ORC3: variants seen among roughly 807,000 people sequenced by gnomAD.
ORC3 encodes origin recognition complex subunit 3.
In ORC3, 78 loss-of-function variants were observed where a neutral mutation model predicts 100.7. The observed-to-expected ratio is 0.77, with a 90% CI of 0.65 to 0.94. The LOEUF (loss-of-function observed/expected upper bound fraction) is 0.94, where lower values mean the gene tolerates loss of function less well. Ranked by LOEUF, ORC3 falls within the 40% of genes least tolerant of loss-of-function variation. The probability of loss-of-function intolerance (pLI) is 0.00; values close to 1 mark genes in which losing one functional copy is unlikely to be tolerated. For synonymous variants in ORC3, 295 were observed against 289.3 expected, an observed-to-expected ratio of 1.02 and a Z score of -0.20; for missense variants, 789 against 823.9, an observed-to-expected ratio of 0.96 and a Z score of 0.52.
intron 13 of ORC3, among the ~76,000 whole-genome samples, chr6:87,646,758 A>T (rs1768824821): frequency 6.6e-6 from 1 of 152,140 alleles, no homozygotes; most frequent in Non-Finnish European, 1.5e-5. Context: ...ACATCTTAAC[A>T]TTACAGTGCC....
In ORC3 at chr6:87,642,313, G is replaced by C. The variant is rs532404140; in HGVS notation, c.1382+5827G>C. On this transcript the variant is annotated intron_variant, in intron 13 of 19. Transcript: ENST00000392844. ...TCTCAAAAAAATTAATAAATAGGCC[G>C]AGCATAGTGGCTGACGCCTGTAATT... is the stretch of plus-strand genomic sequence containing the variant. Among the ~76,000 whole-genome samples, 2 of 151,940 alleles carry C rather than the reference G, an allele frequency of 1.3e-5. 1 individual carries two copies. Among genetic ancestry groups the C allele is most frequent in the South Asian group, 4.1e-4 (2 of 4,832 alleles).
rs921699236 is a variant in ORC3 at position 87,639,190 on chromosome 6, A to G, written c.1382+2704A>G. 2.6e-5 allele frequency among the ~76,000 whole-genome samples: 4 copies of G among 152,302 alleles called. No individual in the cohort carries two copies. In the South Asian group the frequency reaches 6.2e-4, roughly 24 times the overall value. Reference sequence around the variant, plus strand: ...AAAATGCAGAACACTTCTGGTCCCAAGCATTTCAGATAAGGGATACTCAAT... The same window carrying G: ...AAAATGCAGAACACTTCTGGTCCCAGGCATTTCAGATAAGGGATACTCAAT... On this transcript the variant is annotated intron_variant, in intron 13 of 19. Coordinates refer to ENST00000392844, the MANE Select transcript of ORC3 (RefSeq NM_012381.4).
chr6:87,645,053 A>C (rs1422045530), intron 13 of ORC3, among the ~76,000 whole-genome samples: 1 of 152,164 alleles, frequency 6.6e-6, no homozygotes, highest in Admixed American at 6.5e-5. Flanking sequence ...TTCTTCACTA[A>C]GGCATTAGGT....
At position 87,636,669 on chromosome 6, in the gene ORC3, C is replaced by T. The variant is rs1033259215; in HGVS notation, c.1382+183C>T. Reference sequence around the variant, plus strand: ...TGATGTTTTTAATATAGCAACTATCCGTTTCTTTGCTGGTTTAACCTTGCA... The same window carrying T: ...TGATGTTTTTAATATAGCAACTATCTGTTTCTTTGCTGGTTTAACCTTGCA... On this transcript the variant is annotated intron_variant, in intron 13 of 19. Transcript: ENST00000392844. Among the ~76,000 whole-genome samples, 99 of 152,232 alleles carry T rather than the reference C, an allele frequency of 6.5e-4. 1 individual carries two copies. Among genetic ancestry groups the T allele is most frequent in the African/African-American group, 2.4e-3 (98 of 41,530 alleles).
In ORC3 at chr6:87,610,934, CT is replaced by C. The variant is rs67349945; in HGVS notation, c.714-1135del. On this transcript the variant is annotated intron_variant, in intron 7 of 19. Transcript: ENST00000392844. ...AAGAGTTCTATATATTAGGACTTTT[CT>C]TTTTTTTTTTTTTTTTTTTGAGACA... 1.2e-3 allele frequency among the ~76,000 whole-genome samples: 133 copies of C among 106,806 alleles called. 1 individual carries two copies. The highest frequency in any genetic ancestry group is 6.7e-3 in the Middle Eastern group (1 of 150). 70.1% of individuals were successfully genotyped at this position (106,806 alleles called of 152,430 possible).
Position 87,653,102 on chromosome 6 carries a change from T to C in ORC3, c.1383-14T>C. ...CTAGTTATATTACATTTCCTGTCAC[T>C]GACTCTGTTCTAGGATGTTGGCAAA... On this transcript the variant is annotated splice_polypyrimidine_tract_variant and intron_variant, in intron 13 of 19. Coordinates refer to ENST00000392844, the MANE Select transcript of ORC3 (RefSeq NM_012381.4). 1 of 1,574,612 alleles carries C rather than the reference T, an allele frequency of 6.4e-7. No individual in the cohort carries two copies. Among genetic ancestry groups the C allele is most frequent in the Non-Finnish European group, 8.6e-7 (1 of 1,157,244 alleles).
rs192576885 is a variant in ORC3 at position 87,637,565 on chromosome 6, T to C, written c.1382+1079T>C. Among the ~76,000 whole-genome samples the C allele has an allele frequency of 6.5e-4, 99 of 152,350 alleles. 1 individual carries two copies. Among genetic ancestry groups the C allele is most frequent in the African/African-American group, 2.4e-3 (98 of 41,584 alleles). On this transcript the variant is annotated intron_variant, in intron 13 of 19. Coordinates refer to ENST00000392844, the MANE Select transcript of ORC3 (RefSeq NM_012381.4). ...TCAACTATAGTATTTCTGAGACTTATTTTGCTTTCTAAATATACCTATCTT... is the reference window on the plus strand; with the variant it reads ...TCAACTATAGTATTTCTGAGACTTACTTTGCTTTCTAAATATACCTATCTT...
chr6:87,604,577 A>C (rs988831950), intron 4 of ORC3, among the ~76,000 whole-genome samples: 1 of 152,246 alleles, frequency 6.6e-6, no homozygotes, highest in Non-Finnish European at 1.5e-5. Flanking sequence ...ACATTTTTCT[A>C]GTTAAACACA....
chr6:87,655,952 T>C (rs1324085297), intron 14 of ORC3, among the ~76,000 whole-genome samples: 4 of 152,210 alleles, frequency 2.6e-5, no homozygotes, highest in Non-Finnish European at 5.9e-5. Context: ...AAGCAGTTTA[T>C]TCTTTAAGCC....
At chr6:87,656,211 G>A (rs1583160180) in intron 14 of ORC3, among the ~76,000 whole-genome samples, 1 of 152,118 alleles carries the variant, frequency 6.6e-6, no homozygotes, top group Non-Finnish European at 1.5e-5. Context: ...CTCAAATTTT[G>A]TTGTTTACAA....
At chr6:87,624,188 A>G (rs577602904) in intron 11 of ORC3, among the ~76,000 whole-genome samples, 1 of 152,232 alleles carries the variant, frequency 6.6e-6, no homozygotes, top group South Asian at 2.1e-4. Flanking sequence ...GTCTAAGAAA[A>G]AATGAATGTT....
intron 13 of ORC3, among the ~76,000 whole-genome samples, chr6:87,642,619 A>G (rs962625773): frequency 6.6e-6 from 1 of 150,754 alleles, no homozygotes. Context: ...AAAGAAATAA[A>G]TGGCCGGGTG....
downstream of ORC3, among the ~76,000 whole-genome samples, chr6:87,668,218 T>C (rs918049703): frequency 1.3e-5 from 2 of 152,090 alleles, no homozygotes; most frequent in Non-Finnish European, 2.9e-5. Context: ...CATGCAGATA[T>C]GGGGGGAAAG....
At chr6:87,597,680 T>TACAC (rs55758892) in intron 2 of ORC3, among the ~76,000 whole-genome samples, 3,354 of 138,460 alleles carry the variant, frequency 0.024, 99 homozygotes, top group African/African-American at 0.084. Flanking sequence ...TATATATATA[T>TACAC]ACACACACAC....
chr6:87,657,076 T>G, intron 15 of ORC3, 94 bp downstream of exon 15: 1 of 852,334 alleles, frequency 1.2e-6, no homozygotes, highest in Non-Finnish European at 1.9e-6. Context: ...GTTTTTGTTT[T>G]CATTTTTAAA....
chr6:87,667,783 G>C (rs1770743122), downstream of ORC3, among the ~76,000 whole-genome samples: 1 of 152,140 alleles, frequency 6.6e-6, no homozygotes, highest in Admixed American at 6.5e-5. Context: ...CAAAAAATTA[G>C]CCAGGTGTGG....
chr6:87,647,193 C>T (rs1451028140), intron 13 of ORC3, among the ~76,000 whole-genome samples: 1 of 152,154 alleles, frequency 6.6e-6, no homozygotes, highest in Non-Finnish European at 1.5e-5. Context: ...CCTCCGTTAA[C>T]TCCGCATTTC....
intron 5 of ORC3, among the ~76,000 whole-genome samples, chr6:87,606,355 G>A (rs1488633555): frequency 6.6e-6 from 1 of 152,126 alleles, no homozygotes; most frequent in Non-Finnish European, 1.5e-5. Context: ...GGAATGAGGA[G>A]CTCTTGTCAG....
the ORC3 span, among the ~76,000 whole-genome samples, chr6:87,673,154 A>AT: frequency 0.02 from 1,327 of 65,840 alleles, 18 homozygotes; most frequent in Non-Finnish European, 0.026. Flanking sequence ...AAAAAAAAAA[A>AT]TTTTTTTTTT....
Sources: gnomAD v4.1 joint callset for allele counts (sites outside exome capture counted in the v4.1 genomes callset) on GRCh38, gnomAD v4.1.1 for gene constraint, MANE v1.5 for transcripts, NCBI Gene and HGNC (gene_info 2026-07-23, HGNC 2026-07-21) for gene names.